Variants in RAP1B observed in about 807,000 individuals in gnomAD.
RAP1B encodes the protein RAP1B, member of RAS oncogene family.
Under a neutral mutation model 27.5 loss-of-function variants are expected in RAP1B, and 1 was observed. The observed-to-expected ratio is 0.04, with a 90% CI of 0.01 to 0.17. RAP1B has a LOEUF of 0.17. Ranked by LOEUF, RAP1B falls within the 10% of genes least tolerant of loss-of-function variation. The pLI is 1.00. For synonymous variants in RAP1B, 75 were observed against 73.1 expected, an observed-to-expected ratio of 1.03 and a Z score of -0.13; for missense variants, 84 against 214.8, an observed-to-expected ratio of 0.39 and a Z score of 3.81.
rs909721867 is a variant in RAP1B, at chr12:68,660,475, T to C, written c.*1226T>C. The C allele has an allele frequency of 1.1e-4, 17 of 152,670 alleles. No homozygotes were observed. Among genetic ancestry groups the C allele is most frequent in the African/African-American group, 4.1e-4 (17 of 41,466 alleles). The allele number at this position is 152,670 out of a possible 1,614,324, so 9.5% of individuals were successfully genotyped here. ...TGGTGCAATTTTGTATAACTTAGCA[T>C]CAGTAGTTCAATAAATTTGGATTGC... On this transcript the variant is annotated 3_prime_UTR_variant, in exon 8 of 8. Coordinates refer to ENST00000250559, the MANE Select transcript of RAP1B (RefSeq NM_001010942.3).
intron 1 of RAP1B, among the ~76,000 whole-genome samples, chr12:68,636,018 A>G (rs1237980324): frequency 1.3e-5 from 2 of 151,418 alleles, no homozygotes; most frequent in African/African-American, 4.9e-5. Context: ...ATCTGGGACT[A>G]CAAGCGCCCG....
chr12:68,651,958 T>C lies in RAP1B; in HGVS notation c.127-37T>C, dbSNP rs547287040. On this transcript the variant is annotated intron_variant, in intron 3 of 7. Coordinates refer to ENST00000250559, the MANE Select transcript of RAP1B (RefSeq NM_001010942.3). ...GTATATTAAGGTAGTTTTATGTACA[T>C]TGAAAAAATGAACATGTATTTTAAT... 69 of 1,555,866 alleles carry C rather than the reference T, an allele frequency of 4.4e-5. 1 individual carries two copies. The South Asian group carries it at 5.1e-4, about 12-fold the overall frequency.
chr12:68,639,599 C>A (rs1335662022), intron 1 of RAP1B, among the ~76,000 whole-genome samples: 8 of 152,174 alleles, frequency 5.3e-5, no homozygotes, highest in Non-Finnish European at 8.8e-5. Context: ...CTGCCCTGAT[C>A]TGTGTTGTTT....
At chr12:68,638,773 G>T (rs1872796858) in intron 1 of RAP1B, among the ~76,000 whole-genome samples, 1 of 151,976 alleles carries the variant, frequency 6.6e-6, no homozygotes, top group South Asian at 2.1e-4. Flanking sequence ...TGATTCTCCT[G>T]CCTCAGCCTC....
intron 1 of RAP1B, among the ~76,000 whole-genome samples, chr12:68,617,431 C>G (rs1006905255): frequency 6.6e-6 from 1 of 152,190 alleles, no homozygotes; most frequent in South Asian, 2.1e-4. Flanking sequence ...AGATATATAA[C>G]ATATGTTATC....
chr12:68,648,700 T>G lies in RAP1B; in HGVS notation c.-25T>G. The G allele has an allele frequency of 1.2e-6, 2 of 1,604,518 alleles. No homozygotes were observed. The highest frequency in any genetic ancestry group is 1.7e-6 in the Non-Finnish European group (2 of 1,174,798). On this transcript the variant is annotated splice_region_variant and 5_prime_UTR_variant, in exon 2 of 8. Coordinates refer to ENST00000250559, the MANE Select transcript of RAP1B (RefSeq NM_001010942.3). ...TTTTTTTTTTTTTCCTTTAATAAGG[T>G]ACTAGGTTTTGACAAGCTTGCATCA...
intron 5 of RAP1B, among the ~76,000 whole-genome samples, chr12:68,655,631 G>C (rs1874153631): frequency 6.7e-6 from 1 of 148,470 alleles, no homozygotes; most frequent in Admixed American, 6.8e-5. Context: ...TGCCTCCCAA[G>C]TTCAAGCAAT....
In RAP1B at chr12:68,618,015, C is replaced by T. The variant is rs184067892; in HGVS notation, c.-27+6972C>T. On this transcript the variant is annotated intron_variant, in intron 1 of 7. Transcript: ENST00000250559. ...TGAGCTCAAGTAATCTGCCCGCCTC[C>T]ACCTCCCAAACTGCTAGGATTACAG... Among the ~76,000 whole-genome samples the T allele has an allele frequency of 9.9e-5, 15 of 151,464 alleles. No homozygotes were observed. The East Asian group carries it at 2.9e-3, about 29-fold the overall frequency.
At chr12:68,623,378 AGAACT>A (rs1481269577) in intron 1 of RAP1B, among the ~76,000 whole-genome samples, 1 of 152,224 alleles carries the variant, frequency 6.6e-6, no homozygotes, top group Non-Finnish European at 1.5e-5. Context: ...GCAGTACTAC[AGAACT>A]ACAGAAATTG....
At chr12:68,636,319 T>G (rs1422089902) in intron 1 of RAP1B, among the ~76,000 whole-genome samples, 1 of 152,230 alleles carries the variant, frequency 6.6e-6, no homozygotes, top group Admixed American at 6.5e-5. Flanking sequence ...GTTACAAAGT[T>G]ATGAGCAATT....
chr12:68,615,118 T>TA (rs1478824343), intron 1 of RAP1B, among the ~76,000 whole-genome samples: 2 of 152,216 alleles, frequency 1.3e-5, no homozygotes, highest in African/African-American at 2.4e-5. Flanking sequence ...TAGTATCACT[T>TA]ACATTCCGTA....
At chr12:68,647,259 G>C (rs1230882496) in intron 1 of RAP1B, among the ~76,000 whole-genome samples, 1 of 151,796 alleles carries the variant, frequency 6.6e-6, no homozygotes, top group Non-Finnish European at 1.5e-5. Flanking sequence ...TTGAAGCCGG[G>C]TGTGGTGGCT....
intron 1 of RAP1B, among the ~76,000 whole-genome samples, chr12:68,616,764 C>A (rs1292690897): frequency 6.6e-6 from 1 of 151,960 alleles, no homozygotes; most frequent in African/African-American, 2.4e-5. Context: ...AGACGTTTCG[C>A]CATGTTGCCC....
chr12:68,612,840 C>T (rs1057156320), intron 1 of RAP1B, among the ~76,000 whole-genome samples: 2 of 151,680 alleles, frequency 1.3e-5, no homozygotes, highest in East Asian at 3.9e-4. Context: ...TATTTGAGCT[C>T]ATCTGTGCTT....
chr12:68,650,387 A>T lies in RAP1B; in HGVS notation c.58-13A>T. 1 of 1,524,378 alleles carries T rather than the reference A, an allele frequency of 6.6e-7. No individual in the cohort carries two copies. The highest frequency in any genetic ancestry group is 1.2e-5 in the South Asian group (1 of 80,540). 94.4% of individuals were successfully genotyped at this position (1,524,378 alleles called of 1,614,324 possible). A position where few individuals can be genotyped will look rare whatever the true frequency, so the allele number is the denominator to read the frequency against. On this transcript the variant is annotated splice_polypyrimidine_tract_variant and intron_variant, in intron 2 of 7. Transcript: ENST00000250559. ...TCTTTAGAAGTATAATGGTTTCTTAATTTTTTTTTCAGACTGTACAATTTG... is the reference window on the plus strand; with the variant it reads ...TCTTTAGAAGTATAATGGTTTCTTATTTTTTTTTTCAGACTGTACAATTTG...
intron 1 of RAP1B, among the ~76,000 whole-genome samples, chr12:68,623,177 A>G (rs1871505505): frequency 6.6e-6 from 1 of 152,270 alleles, no homozygotes; most frequent in Non-Finnish European, 1.5e-5. Context: ...GGTTTTTAGC[A>G]AAGACATGAA....
At chr12:68,618,929 G>A (rs967993255) in intron 1 of RAP1B, among the ~76,000 whole-genome samples, 1 of 151,974 alleles carries the variant, frequency 6.6e-6, no homozygotes, top group East Asian at 1.9e-4. Flanking sequence ...GCAATGTAGT[G>A]AGAGCCTGTC....
At chr12:68,628,411 A>C (rs538433391) in intron 1 of RAP1B, among the ~76,000 whole-genome samples, 8 of 152,288 alleles carry the variant, frequency 5.3e-5, no homozygotes, top group African/African-American at 1.7e-4. Context: ...TTCCAACTTC[A>C]TTCTCTAGTT....
intron 1 of RAP1B, among the ~76,000 whole-genome samples, chr12:68,642,356 G>A (rs551882500): frequency 6.6e-6 from 1 of 152,210 alleles, no homozygotes; most frequent in South Asian, 2.1e-4. Context: ...AGTTGTTAAA[G>A]GCAACACAAG....
Sources: gnomAD v4.1 joint callset for allele counts (sites outside exome capture counted in the v4.1 genomes callset) on GRCh38, gnomAD v4.1.1 for gene constraint, MANE v1.5 for transcripts, NCBI Gene and HGNC (gene_info 2026-07-23, HGNC 2026-07-21) for gene names.